The following FBXL7 variants were observed in gnomAD, a reference collection of about 807,000 sequenced individuals.
FBXL7 encodes the protein F-box and leucine rich repeat protein 7.
Under a neutral mutation model 38.3 loss-of-function variants are expected in FBXL7, and 12 were observed. That is an observed-to-expected ratio of 0.31 (90% CI 0.20 to 0.51). The LOEUF (loss-of-function observed/expected upper bound fraction) is 0.51, where lower values mean the gene tolerates loss of function less well. FBXL7 is among the 20% of genes least tolerant of loss of function. The pLI, the probability that FBXL7 is intolerant of heterozygous loss-of-function variation, is 0.98. For missense variants in FBXL7, 567 were observed against 676.4 expected (o/e 0.84, Z 1.79); for synonymous variants, 297 against 300.9 (o/e 0.99, Z 0.13).
intron 2 of FBXL7, among the ~76,000 whole-genome samples, chr5:15,790,547 T>C (rs1386941013): frequency 6.6e-6 from 1 of 152,170 alleles, no homozygotes; most frequent in Non-Finnish European, 1.5e-5. Context: ...TCTCAGCAAA[T>C]CATTTTGTCA....
intron 2 of FBXL7, among the ~76,000 whole-genome samples, chr5:15,728,961 T>G (rs1251605281): frequency 6.6e-6 from 1 of 152,162 alleles, no homozygotes; most frequent in South Asian, 2.1e-4. Context: ...GTAATCTGAT[T>G]TAGTTCCATG....
At chr5:15,740,765 G>A (rs1246825580) in intron 2 of FBXL7, among the ~76,000 whole-genome samples, 3 of 152,090 alleles carry the variant, frequency 2.0e-5, no homozygotes, top group African/African-American at 7.2e-5. Flanking sequence ...AAGAAATCAG[G>A]CAAAGGGAAA....
chr5:15,572,539 A>C (rs536377982), intron 1 of FBXL7, among the ~76,000 whole-genome samples: 5 of 152,318 alleles, frequency 3.3e-5, no homozygotes, highest in African/African-American at 1.2e-4. Flanking sequence ...GCTCACCAGC[A>C]GCTCCTGTCA....
intron 2 of FBXL7, among the ~76,000 whole-genome samples, chr5:15,711,521 A>G (rs758165837): frequency 2.6e-4 from 40 of 152,224 alleles, no homozygotes; most frequent in Non-Finnish European, 3.2e-4. Context: ...GCGAGTTAGG[A>G]CTTCAACATA....
chr5:15,546,272 A>G (rs1737888516), intron 1 of FBXL7, among the ~76,000 whole-genome samples: 1 of 152,028 alleles, frequency 6.6e-6, no homozygotes, highest in Non-Finnish European at 1.5e-5. Context: ...TCTGCTGGAA[A>G]TACAGAAGTT....
intron 2 of FBXL7, among the ~76,000 whole-genome samples, chr5:15,768,513 G>A (rs1275248436): frequency 2.0e-5 from 3 of 150,504 alleles, no homozygotes; most frequent in African/African-American, 4.9e-5. Flanking sequence ...CCTGGGCGAC[G>A]GAGCGAGACT....
At chr5:15,785,217 C>T (rs1217196102) in intron 2 of FBXL7, among the ~76,000 whole-genome samples, 1 of 152,218 alleles carries the variant, frequency 6.6e-6, no homozygotes, top group African/African-American at 2.4e-5. Flanking sequence ...ATCGCTCTGA[C>T]CAAACGGCTG....
intron 2 of FBXL7, among the ~76,000 whole-genome samples, chr5:15,625,732 C>T (rs1740793744): frequency 6.6e-6 from 1 of 152,052 alleles, no homozygotes; most frequent in Non-Finnish European, 1.5e-5. Flanking sequence ...TGGAATTTTT[C>T]TTTAATTGGA....
intron 2 of FBXL7, among the ~76,000 whole-genome samples, chr5:15,695,274 G>C (rs1743300442): frequency 6.6e-6 from 1 of 152,010 alleles, no homozygotes; most frequent in Non-Finnish European, 1.5e-5. Context: ...ACAGCTCCCT[G>C]TGTCAGACCC....
intron 2 of FBXL7, among the ~76,000 whole-genome samples, chr5:15,781,624 G>C (rs1736995283): frequency 6.6e-6 from 1 of 151,994 alleles, no homozygotes; most frequent in South Asian, 2.1e-4. Context: ...CTGCCTCTGG[G>C]GAGAAAAGGG....
intron 1 of FBXL7, among the ~76,000 whole-genome samples, chr5:15,528,592 A>G (rs932378716): frequency 1.3e-5 from 2 of 152,188 alleles, no homozygotes; most frequent in East Asian, 1.9e-4. Context: ...TAAAACCATC[A>G]GCTCTTATTA....
chr5:15,507,722 T>TA (rs979646715), intron 1 of FBXL7, among the ~76,000 whole-genome samples: 77 of 152,304 alleles, frequency 5.1e-4, no homozygotes, highest in African/African-American at 1.8e-3. Flanking sequence ...CTCCTTGACT[T>TA]ATGACAGGCT....
intron 2 of FBXL7, among the ~76,000 whole-genome samples, chr5:15,691,923 A>G (rs1282569850): frequency 6.6e-6 from 1 of 152,162 alleles, no homozygotes; most frequent in African/African-American, 2.4e-5. Context: ...CACAGTTCAG[A>G]TGAGAGGTGG....
intron 2 of FBXL7, among the ~76,000 whole-genome samples, chr5:15,889,542 G>A (rs1740817160): frequency 6.6e-6 from 1 of 152,186 alleles, no homozygotes; most frequent in South Asian, 2.1e-4. Flanking sequence ...TCAAATGTAT[G>A]CCAGTGATGT....
chr5:15,792,115 T>C (rs1579466319), intron 2 of FBXL7, among the ~76,000 whole-genome samples: 1 of 152,228 alleles, frequency 6.6e-6, no homozygotes, highest in East Asian at 1.9e-4. Flanking sequence ...CACTCAATTT[T>C]ATATATTCCT....
chr5:15,635,030 AT>A (rs34825589), intron 2 of FBXL7, among the ~76,000 whole-genome samples: 44,261 of 149,678 alleles, frequency 0.3, 6,571 homozygotes, highest in Non-Finnish European at 0.31. Flanking sequence ...AATGTGGACA[AT>A]TTTTTTTTTT....
At chr5:15,545,181 T>C (rs1392938887) in intron 1 of FBXL7, among the ~76,000 whole-genome samples, 1 of 152,236 alleles carries the variant, frequency 6.6e-6, no homozygotes, top group Non-Finnish European at 1.5e-5. Flanking sequence ...AACACACATG[T>C]CATGCTTATT....
chr5:15,643,083 G>T (rs572060436), intron 2 of FBXL7, among the ~76,000 whole-genome samples: 1 of 152,302 alleles, frequency 6.6e-6, no homozygotes, highest in Non-Finnish European at 1.5e-5. Context: ...GCCATGAGCA[G>T]CCAAGGTTTT....
At chr5:15,651,825 C>G (rs1741718307) in intron 2 of FBXL7, among the ~76,000 whole-genome samples, 1 of 152,198 alleles carries the variant, frequency 6.6e-6, no homozygotes, top group African/African-American at 2.4e-5. Flanking sequence ...ATTGACTTCT[C>G]TCTAGCTGTG....
Sources: allele counts gnomAD v4.1 joint callset (sites outside exome capture counted in the v4.1 genomes callset), GRCh38; gene constraint gnomAD v4.1.1; transcripts MANE v1.5; gene names NCBI Gene and HGNC (gene_info 2026-07-23, HGNC 2026-07-21).